NODAL: variants seen among roughly 807,000 people sequenced by gnomAD.
NODAL encodes nodal growth differentiation factor.
In NODAL, 12 loss-of-function variants were observed where a neutral mutation model predicts 34.0. That is an observed-to-expected ratio of 0.35 (90% CI 0.23 to 0.57). The LOEUF is 0.57. Among genes scored for constraint, NODAL ranks in the 20% least tolerant of loss-of-function variants. The pLI is 0.83. For missense variants in NODAL, 390 were observed against 444.2 expected, an observed-to-expected ratio of 0.88 and a Z score of 1.10; for synonymous variants, 162 against 186.4, an observed-to-expected ratio of 0.87 and a Z score of 1.07.
At chr10:70,441,367 G>C (rs933727533) in intron 1 of NODAL, 108 bp downstream of exon 1, 2 of 1,297,836 alleles carry the variant, frequency 1.5e-6, no homozygotes, top group Non-Finnish European at 2.1e-6. Context: ...TGCAAACCCG[G>C]CTCGGAGCCG....
At chr10:70,446,954 C>T (rs1301737087) in intron 1 of NODAL, among the ~76,000 whole-genome samples, 1 of 152,100 alleles carries the variant, frequency 6.6e-6, no homozygotes, top group Non-Finnish European at 1.5e-5. Context: ...GCTGTTTCTA[C>T]TTTATCTCCC....
At chr10:70,445,034 A>T (rs72809273), upstream of NODAL, among the ~76,000 whole-genome samples, 2,265 of 152,266 alleles carry the variant, frequency 0.015, 19 homozygotes, top group Middle Eastern at 0.037. Flanking sequence ...AGCACAGGGA[A>T]GGCACAGACA....
At chr10:70,442,660 C>G (rs1845445588), upstream of NODAL, among the ~76,000 whole-genome samples, 1 of 152,202 alleles carries the variant, frequency 6.6e-6, no homozygotes, top group African/African-American at 2.4e-5. Context: ...TTAGCTCCCC[C>G]CACCTACCTA....
chr10:70,440,448 G>A (rs55941259), intron 1 of NODAL, among the ~76,000 whole-genome samples: 2,174 of 152,290 alleles, frequency 0.014, 20 homozygotes, highest in Middle Eastern at 0.041. Flanking sequence ...AGGCGCGGGA[G>A]CGAAGGGCCC....
At chr10:70,435,123 T>C (rs1845326863) in intron 2 of NODAL, 163 bp downstream of exon 2, 2 of 658,928 alleles carry the variant, frequency 3.0e-6, no homozygotes, top group Admixed American at 2.4e-5. Context: ...GATGTTACAC[T>C]CGGTCATCTC....
Position 70,432,835 on chromosome 10 carries a change from C to T in NODAL, c.*101G>A. 7.0e-7 allele frequency: 1 copy of T among 1,433,958 alleles called. No homozygotes were observed. The highest frequency in any genetic ancestry group is 9.8e-7 in the Non-Finnish European group (1 of 1,022,510). 88.8% of individuals were successfully genotyped at this position (1,433,958 alleles called of 1,614,324 possible). On this transcript the variant is annotated 3_prime_UTR_variant, in exon 3 of 3. Coordinates refer to ENST00000287139, the MANE Select transcript of NODAL (RefSeq NM_018055.5). ...TTCTGGTGGGCAGAGCAACTTTGCCCCTCTCTGTTTCTCCTTACTGGATTA... is the reference window on the plus strand; with the variant it reads ...TTCTGGTGGGCAGAGCAACTTTGCCTCTCTCTGTTTCTCCTTACTGGATTA...
rs59659683 is a variant in NODAL, at chr10:70,436,358, C to T, written c.194-375G>A. 1,447 of 334,122 alleles carry T rather than the reference C, an allele frequency of 4.3e-3. 38 individuals are homozygous for T. The East Asian group carries it at 0.06, about 14-fold the overall frequency. 20.7% of individuals were successfully genotyped at this position (334,122 alleles called of 1,614,324 possible). A position where few individuals can be genotyped will look rare whatever the true frequency, so the allele number is the denominator to read the frequency against. ...GTGATGAGTTGCATCTCCCCCTCCCCTGTCTCCTCCCATACATGAAGTCTG... is the reference window on the plus strand; with the variant it reads ...GTGATGAGTTGCATCTCCCCCTCCCTTGTCTCCTCCCATACATGAAGTCTG... On this transcript the variant is annotated intron_variant, in intron 1 of 2. Transcript: ENST00000287139.
chr10:70,441,741 C>T, upstream of NODAL: 3 of 1,456,930 alleles, frequency 2.1e-6, no homozygotes, highest in Non-Finnish European at 2.8e-6. Context: ...CCCGCCCCCA[C>T]CTTTCCTCCC....
At chr10:70,441,805 A>G (rs532516462), upstream of NODAL, 111 of 910,098 alleles carry the variant, frequency 1.2e-4, no homozygotes, top group African/African-American at 1.4e-3. Context: ...GGGGGCAGAG[A>G]GACCTCCTGC....
In NODAL at chr10:70,432,804, CTT is replaced by C. The variant is rs1564666385; in HGVS notation, c.*130_*131del. 4 of 1,052,730 alleles carry C rather than the reference CTT, an allele frequency of 3.8e-6. No individual in the cohort carries two copies. Among genetic ancestry groups the C allele is most frequent in the Non-Finnish European group, 5.8e-6 (4 of 685,734 alleles). The allele number at this position is 1,052,730 out of a possible 1,614,324, so 65.2% of individuals were successfully genotyped here. On this transcript the variant is annotated 3_prime_UTR_variant, in exon 3 of 3. Coordinates refer to ENST00000287139, the MANE Select transcript of NODAL (RefSeq NM_018055.5). ...ATTTACAGAGTGGGCAGCCCCTCCTCTTCAGTTCTGGTGGGCAGAGCAACTTT... is the reference window on the plus strand; with the variant it reads ...ATTTACAGAGTGGGCAGCCCCTCCTCCAGTTCTGGTGGGCAGAGCAACTTT...
upstream of NODAL, chr10:70,441,731 C>A: frequency 6.7e-7 from 1 of 1,489,052 alleles, no homozygotes; most frequent in Non-Finnish European, 9.1e-7. Flanking sequence ...CAGCAGCCGC[C>A]CCGCCCCCAC....
At chr10:70,446,567 G>C (rs1228849080), upstream of NODAL, among the ~76,000 whole-genome samples, 2 of 152,094 alleles carry the variant, frequency 1.3e-5, no homozygotes, top group Non-Finnish European at 2.9e-5. Flanking sequence ...GAACAAACCT[G>C]CTTGTCTAGT....
upstream of NODAL, among the ~76,000 whole-genome samples, chr10:70,442,362 C>T (rs1845442252): frequency 6.6e-6 from 1 of 152,246 alleles, no homozygotes; most frequent in South Asian, 2.1e-4. Context: ...GACAGGCAGA[C>T]ATCACCCCAG....
At chr10:70,443,022 G>A (rs1845449443), upstream of NODAL, among the ~76,000 whole-genome samples, 1 of 152,168 alleles carries the variant, frequency 6.6e-6, no homozygotes. Context: ...GGGAGGCAAA[G>A]GTTGCAATAA....
chr10:70,433,857 ACAATC>A, intron 2 of NODAL, among the ~76,000 whole-genome samples: 1 of 152,194 alleles, frequency 6.6e-6, no homozygotes, highest in East Asian at 1.9e-4. Flanking sequence ...GAGGAAAGGA[ACAATC>A]CCTTGGCGTT....
In NODAL at chr10:70,432,835, CCT is replaced by C. The variant is rs1318152319; in HGVS notation, c.*99_*100del. Reference sequence around the variant, plus strand: ...TTCTGGTGGGCAGAGCAACTTTGCCCCTCTCTGTTTCTCCTTACTGGATTAGA... The same window carrying C: ...TTCTGGTGGGCAGAGCAACTTTGCCCCTCTGTTTCTCCTTACTGGATTAGA... On this transcript the variant is annotated 3_prime_UTR_variant, in exon 3 of 3. Coordinates refer to ENST00000287139, the MANE Select transcript of NODAL (RefSeq NM_018055.5). 2 of 1,433,840 alleles carry C rather than the reference CCT, an allele frequency of 1.4e-6. No individual in the cohort carries two copies. The highest frequency in any genetic ancestry group is 2.0e-6 in the Non-Finnish European group (2 of 1,022,518). The allele number at this position is 1,433,840 out of a possible 1,614,324, so 88.8% of individuals were successfully genotyped here.
Position 70,441,644 on chromosome 10 carries a change from G to A in NODAL, c.24C>T (p.Phe8=). 2 of 1,550,726 alleles carry A rather than the reference G, an allele frequency of 1.3e-6. No individual in the cohort carries two copies. The highest frequency in any genetic ancestry group is 1.7e-6 in the Non-Finnish European group (2 of 1,147,696). The part of the protein sequence containing the change: MHAHCLP[F]LLHAWWALLQ... Reference sequence around the variant, plus strand: ...GTAGGGCCCACCAGGCGTGCAGAAGGAAGGGCAGGCAGTGGGCGTGCATGG... The same window carrying A: ...GTAGGGCCCACCAGGCGTGCAGAAGAAAGGGCAGGCAGTGGGCGTGCATGG... The change falls in exon 1 of 3, where the codon TTC becomes TTT. Residue 8 remains phenylalanine, a synonymous_variant. Coordinates refer to ENST00000287139, the MANE Select transcript of NODAL (RefSeq NM_018055.5).
In NODAL at chr10:70,441,534, A is replaced by C; in HGVS notation, c.134T>G (p.Leu45Arg). Residue 45 changes from leucine (L) to arginine (R), a missense_variant, in exon 1 of 3, where the codon CTG becomes CGG. Leu to Arg is a moderately radical substitution (Grantham distance 102). Transcript: ENST00000287139. Reference sequence around the variant, plus strand: ...CGGCAGCGGGTCGCGGTAGAGGCTCAGCATGTACGCCAGAGGGGATGGCGA... The same window carrying C: ...CGGCAGCGGGTCGCGGTAGAGGCTCCGCATGTACGCCAGAGGGGATGGCGA... Reference protein sequence around the residue: ...PSSPSPLAYMLSLYRDPLPRA... With the variant: ...PSSPSPLAYMRSLYRDPLPRA... The C allele has an allele frequency of 6.3e-7, 1 of 1,595,242 alleles. No individual in the cohort carries two copies. The highest frequency in any genetic ancestry group is 1.1e-5 in the South Asian group (1 of 88,264).
At chr10:70,439,054 G>A (rs1210535316) in intron 1 of NODAL, among the ~76,000 whole-genome samples, 2 of 151,724 alleles carry the variant, frequency 1.3e-5, no homozygotes, top group African/African-American at 2.4e-5. Flanking sequence ...GGCCAGGCTC[G>A]AGTGCAGTGG....
Sources: allele counts gnomAD v4.1 joint callset (sites outside exome capture counted in the v4.1 genomes callset), GRCh38; gene constraint gnomAD v4.1.1; transcripts MANE v1.5; gene names NCBI Gene and HGNC (gene_info 2026-07-23, HGNC 2026-07-21).